The following COL4A6 variants were observed in gnomAD, a reference collection of about 807,000 sequenced individuals.
The protein encoded by COL4A6 is collagen alpha-6(IV) chain.
A neutral mutation model predicts 126.7 loss-of-function variants in COL4A6; 59 were observed. The ratio of observed to expected loss-of-function variants is 0.47; its 90% CI spans 0.38 to 0.58. The LOEUF (loss-of-function observed/expected upper bound fraction) is 0.58, where lower values mean the gene tolerates loss of function less well. Ranked by LOEUF, COL4A6 falls within the 20% of genes least tolerant of loss-of-function variation. The pLI is 0.00. For synonymous variants in COL4A6, 547 were observed against 496.6 expected, an observed-to-expected ratio of 1.10 and a Z score of -1.35; for missense variants, 1,285 against 1,337.3, an observed-to-expected ratio of 0.96 and a Z score of 0.61.
chrX:108,173,772 G>A (rs992466351), intron 31 of COL4A6, among the ~76,000 whole-genome samples: 8 of 112,095 alleles, frequency 7.1e-5, no homozygotes, highest in South Asian at 3.7e-4. Context: ...TAAACAGTGT[G>A]CACAAGATCA....
intron 5 of COL4A6, among the ~76,000 whole-genome samples, chrX:108,216,691 G>A (rs150287996): frequency 0.034 from 3,858 of 112,598 alleles, 167 homozygotes; most frequent in African/African-American, 0.12. Flanking sequence ...GGAAACCACA[G>A]TTCTATATTG....
intron 2 of COL4A6, among the ~76,000 whole-genome samples, chrX:108,396,831 T>G (rs185318655): frequency 4.5e-5 from 5 of 111,900 alleles, no homozygotes; most frequent in African/African-American, 1.3e-4. Context: ...GTTCGATTTC[T>G]ATGTCTCTTT....
intron 2 of COL4A6, among the ~76,000 whole-genome samples, chrX:108,312,814 C>T (rs1385394149): frequency 9.0e-6 from 1 of 111,341 alleles, no homozygotes; most frequent in Admixed American, 9.6e-5. Flanking sequence ...TGGCCTACTT[C>T]CAAACAATGT....
chrX:108,349,219 T>G (rs780910753), intron 2 of COL4A6, among the ~76,000 whole-genome samples: 139 of 112,014 alleles, frequency 1.2e-3, no homozygotes, highest in African/African-American at 4.3e-3. Context: ...TATATTGCTG[T>G]AAAAAGTTCA....
At position 108,437,933 on chromosome X, in the gene COL4A6, G is replaced by C. The variant is rs779624527; in HGVS notation, c.63+9C>G. ...GGGGGACGGAAAAGGGTCGTGAGAA[G>C]AGACTCACCGCTGCTGCCAGTTCCT... On this transcript the variant is annotated intron_variant, in intron 2 of 44. Coordinates refer to ENST00000334504, the MANE Select transcript of COL4A6 (RefSeq NM_033641.4). The C allele has an allele frequency of 8.3e-7, 1 of 1,210,801 alleles. No homozygotes were observed. The highest frequency in any genetic ancestry group is 1.8e-5 in the South Asian group (1 of 56,835).
intron 2 of COL4A6, among the ~76,000 whole-genome samples, chrX:108,356,347 A>T (rs1435687472): frequency 9.0e-6 from 1 of 110,529 alleles, no homozygotes; most frequent in African/African-American, 3.3e-5. Flanking sequence ...AAAATAAAAT[A>T]AAAAAAAGAA....
At chrX:108,263,377 G>A (rs1179739116) in intron 3 of COL4A6, among the ~76,000 whole-genome samples, 1 of 111,790 alleles carries the variant, frequency 8.9e-6, no homozygotes. Context: ...AGTTAGGGTT[G>A]AAAACTTTTG....
intron 3 of COL4A6, chrX:108,268,245 A>G (rs1022029722): frequency 4.1e-4 from 46 of 112,331 alleles, no homozygotes; most frequent in African/African-American, 1.4e-3. Flanking sequence ...AACAATCAAT[A>G]GATGCCATAG....
intron 5 of COL4A6, among the ~76,000 whole-genome samples, chrX:108,215,246 T>C (rs1432875344): frequency 8.9e-6 from 1 of 112,401 alleles, no homozygotes; most frequent in African/African-American, 3.2e-5. Flanking sequence ...TTCGTTGTTA[T>C]TATAGTTGTA....
At chrX:108,204,481 G>T in intron 11 of COL4A6, 69 bp from the exon 12 acceptor site, 2 of 920,615 alleles carry the variant, frequency 2.2e-6, no homozygotes, top group South Asian at 2.0e-5. Context: ...GTGGGGGTTT[G>T]TCCTCTGGAT....
intron 3 of COL4A6, among the ~76,000 whole-genome samples, chrX:108,283,365 T>A (rs1002400479): frequency 9.0e-6 from 1 of 110,948 alleles, no homozygotes; most frequent in Non-Finnish European, 1.9e-5. Context: ...AGTTTATTTC[T>A]CTCTTCCCTA....
intron 8 of COL4A6, among the ~76,000 whole-genome samples, chrX:108,209,559 C>G (rs1431496960): frequency 8.9e-6 from 1 of 112,138 alleles, no homozygotes; most frequent in Non-Finnish European, 1.9e-5. Context: ...CTTACATGGA[C>G]TCACCATTAT....
intron 3 of COL4A6, among the ~76,000 whole-genome samples, chrX:108,263,664 C>T (rs1349869347): frequency 5.3e-5 from 6 of 112,165 alleles, no homozygotes; most frequent in Non-Finnish European, 9.4e-5. Flanking sequence ...TGTATGTCTA[C>T]AACTGTGCAC....
At chrX:108,313,928 C>A (rs1040003596) in intron 2 of COL4A6, among the ~76,000 whole-genome samples, 5 of 111,672 alleles carry the variant, frequency 4.5e-5, no homozygotes, top group Non-Finnish European at 7.5e-5. Context: ...AAATGATAAA[C>A]AACTCATGGT....
intron 2 of COL4A6, among the ~76,000 whole-genome samples, chrX:108,343,263 A>T (rs1348817027): frequency 9.8e-6 from 1 of 101,733 alleles, no homozygotes; most frequent in Non-Finnish European, 2.0e-5. Context: ...CAATTTAACA[A>T]ACACCTGCTA....
chrX:108,274,706 C>T (rs1300738811), intron 3 of COL4A6, among the ~76,000 whole-genome samples: 1 of 111,860 alleles, frequency 8.9e-6, no homozygotes, highest in Non-Finnish European at 1.9e-5. Flanking sequence ...AATTAAGTTC[C>T]ATGTGGTTTT....
intron 31 of COL4A6, among the ~76,000 whole-genome samples, chrX:108,173,097 T>G (rs1380248490): frequency 8.9e-6 from 1 of 112,711 alleles, no homozygotes; most frequent in Non-Finnish European, 1.9e-5. Context: ...ACACACTATC[T>G]GAGTCTGGGA....
At chrX:108,307,639 A>G (rs770059635) in intron 3 of COL4A6, among the ~76,000 whole-genome samples, 1 of 112,346 alleles carries the variant, frequency 8.9e-6, no homozygotes, top group Non-Finnish European at 1.9e-5. Flanking sequence ...CAAGGGCTGC[A>G]GCACATCTCA....
chrX:108,238,095 GGTGT>G (rs1257965116), intron 3 of COL4A6, among the ~76,000 whole-genome samples: 2 of 97,439 alleles, frequency 2.1e-5, no homozygotes, highest in African/African-American at 3.9e-5. Flanking sequence ...TCTGGTTTTG[GGTGT>G]GTGTGTGTGT....
Sources: allele counts gnomAD v4.1 joint callset (sites outside exome capture counted in the v4.1 genomes callset), GRCh38; gene constraint gnomAD v4.1.1; transcripts MANE v1.5; gene names NCBI Gene and HGNC (gene_info 2026-07-23, HGNC 2026-07-21).